The following GPHN variants were observed in gnomAD, a reference collection of about 807,000 sequenced individuals.
GPHN encodes the protein gephyrin.
GPHN carries 17 observed loss-of-function variants against 95.5 expected under a neutral mutation model. The observed-to-expected ratio is 0.18, with a 90% CI of 0.12 to 0.27. The LOEUF (loss-of-function observed/expected upper bound fraction) is 0.27, where lower values mean the gene tolerates loss of function less well. Ranked by LOEUF, GPHN falls within the 10% of genes least tolerant of loss-of-function variation. The probability of loss-of-function intolerance (pLI) is 1.00; values close to 1 mark genes in which losing one functional copy is unlikely to be tolerated. For missense variants in GPHN, 660 were observed against 978.1 expected (o/e 0.67, Z 4.34); for synonymous variants, 320 against 322.5 (o/e 0.99, Z 0.08).
At chr14:67,239,982 A>G in the GPHN span, among the ~76,000 whole-genome samples, 1 of 152,164 alleles carries the variant, frequency 6.6e-6, no homozygotes, top group East Asian at 1.9e-4. Context: ...TCAGTTAGGC[A>G]TTTCACCAGT....
chr14:67,252,296 C>T, the GPHN span, among the ~76,000 whole-genome samples: 476 of 152,166 alleles, frequency 3.1e-3, 9 homozygotes, highest in East Asian at 0.015. Context: ...CTCAAATAGG[C>T]GTGCACCACC....
chr14:67,435,683 A>G, the GPHN span, among the ~76,000 whole-genome samples: 2 of 152,236 alleles, frequency 1.3e-5, no homozygotes. Flanking sequence ...GCCTCAAGTC[A>G]TCCTTTTCTG....
chr14:67,236,987 G>A, the GPHN span, among the ~76,000 whole-genome samples: 7 of 152,006 alleles, frequency 4.6e-5, no homozygotes, highest in Non-Finnish European at 8.8e-5. Context: ...GCTACTGGGA[G>A]GCTGAGGCAG....
the GPHN span, chr14:67,645,918 AT>A: frequency 8.4e-7 from 1 of 1,188,814 alleles, no homozygotes; most frequent in Non-Finnish European, 1.2e-6. Context: ...CCACTCCTTC[AT>A]TTGTTCATCA....
intron 11 of GPHN, among the ~76,000 whole-genome samples, chr14:67,070,406 T>G (rs2076240227): frequency 6.7e-6 from 1 of 149,074 alleles, no homozygotes; most frequent in African/African-American, 2.5e-5. Context: ...TATTCAAAAA[T>G]TATATTACCG....
At chr14:66,686,582 A>G (rs7141166) in intron 2 of GPHN, among the ~76,000 whole-genome samples, 47,291 of 152,026 alleles carry the variant, frequency 0.31, 11,170 homozygotes, top group African/African-American at 0.64. Context: ...AATGCTTGTG[A>G]TTTTTGCACA....
chr14:67,660,003 AACT>A, the GPHN span: 2 of 1,364,456 alleles, frequency 1.5e-6, no homozygotes, highest in Non-Finnish European at 2.0e-6. Flanking sequence ...GGACTAATCA[AACT>A]ACTTATTTAT....
the GPHN span, chr14:67,678,205 G>C: frequency 1.5e-6 from 1 of 688,374 alleles, no homozygotes; most frequent in East Asian, 2.6e-5. Flanking sequence ...GGCAAGGCTG[G>C]AAGGTTTTGC....
At chr14:66,993,640 G>C (rs2071581012) in intron 9 of GPHN, among the ~76,000 whole-genome samples, 1 of 152,060 alleles carries the variant, frequency 6.6e-6, no homozygotes, top group African/African-American at 2.4e-5. Flanking sequence ...AATCTAAATG[G>C]TATTTGAATC....
the GPHN span, among the ~76,000 whole-genome samples, chr14:67,455,375 C>T: frequency 2.0e-5 from 3 of 152,126 alleles, no homozygotes; most frequent in Non-Finnish European, 2.9e-5. Context: ...CACTGTGGCT[C>T]GCAGTTAATG....
intron 4 of GPHN, among the ~76,000 whole-genome samples, chr14:66,833,092 A>G (rs2061641938): frequency 6.6e-6 from 1 of 152,184 alleles, no homozygotes; most frequent in Non-Finnish European, 1.5e-5. Context: ...GATTTACTGT[A>G]TTAGTCTGTT....
chr14:66,852,817 A>G (rs996106101), intron 4 of GPHN, among the ~76,000 whole-genome samples: 2 of 152,226 alleles, frequency 1.3e-5, no homozygotes, highest in African/African-American at 4.8e-5. Context: ...CTCTCATTTG[A>G]TGGTAATTAC....
At chr14:67,199,550 G>T in the GPHN span, 3 of 1,605,276 alleles carry the variant, frequency 1.9e-6, no homozygotes, top group South Asian at 2.2e-5. Context: ...AGCCATGAAT[G>T]GGCAGTACCT....
intron 9 of GPHN, among the ~76,000 whole-genome samples, chr14:67,000,471 A>G (rs945658841): frequency 6.6e-6 from 1 of 151,758 alleles, no homozygotes; most frequent in South Asian, 2.1e-4. Context: ...ATGTTCTACT[A>G]TATAAAATCT....
At chr14:66,681,389 G>T (rs2066923431) in intron 2 of GPHN, among the ~76,000 whole-genome samples, 1 of 152,162 alleles carries the variant, frequency 6.6e-6, no homozygotes, top group Non-Finnish European at 1.5e-5. Flanking sequence ...ATTAATGATT[G>T]ATTTTCAAGG....
At chr14:67,551,309 C>A in the GPHN span, among the ~76,000 whole-genome samples, 1 of 152,202 alleles carries the variant, frequency 6.6e-6, no homozygotes, top group East Asian at 1.9e-4. Context: ...CCAAACTGGT[C>A]TCCCTGCTCC....
At chr14:66,928,008 G>A (rs1475377829) in intron 8 of GPHN, among the ~76,000 whole-genome samples, 1 of 152,116 alleles carries the variant, frequency 6.6e-6, no homozygotes, top group Non-Finnish European at 1.5e-5. Context: ...TTTTTATGAT[G>A]TGTCTTTGTC....
intron 9 of GPHN, among the ~76,000 whole-genome samples, chr14:66,970,442 T>TG (rs2069675170): frequency 6.6e-6 from 1 of 152,226 alleles, no homozygotes; most frequent in Non-Finnish European, 1.5e-5. Flanking sequence ...ATATTTTCTC[T>TG]GGGATGTTTT....
At chr14:66,955,490 G>C (rs2068430650) in intron 8 of GPHN, among the ~76,000 whole-genome samples, 1 of 152,006 alleles carries the variant, frequency 6.6e-6, no homozygotes, top group Non-Finnish European at 1.5e-5. Context: ...CCTGATTTTA[G>C]TAATTTGAAT....
Sources: gnomAD v4.1 joint callset for allele counts (sites outside exome capture counted in the v4.1 genomes callset) on GRCh38, gnomAD v4.1.1 for gene constraint, MANE v1.5 for transcripts, NCBI Gene and HGNC (gene_info 2026-07-23, HGNC 2026-07-21) for gene names.